FREM2: variants seen among roughly 807,000 people sequenced by gnomAD.
FREM2 encodes the protein FRAS1 related extracellular matrix 2.
FREM2 carries 119 observed loss-of-function variants against 219.9 expected under a neutral mutation model. That is an observed-to-expected ratio of 0.54 (90% CI 0.47 to 0.63). FREM2 has a LOEUF of 0.63. Ranked by LOEUF, FREM2 falls within the 30% of genes least tolerant of loss-of-function variation. FREM2 has a pLI of 0.00. For synonymous variants in FREM2, 1,562 were observed against 1,522.8 expected (o/e 1.03, Z -0.60); for missense variants, 4,030 against 3,993.6 (o/e 1.01, Z -0.25).
chr13:38,837,779 TG>T (rs1202502903), intron 6 of FREM2, among the ~76,000 whole-genome samples: 2,006 of 149,090 alleles, frequency 0.013, 86 homozygotes, highest in African/African-American at 0.046. Context: ...TTTTTTGTTT[TG>T]TTTTGTTTTG....
At chr13:38,739,347 G>T (rs1342566176) in intron 2 of FREM2, among the ~76,000 whole-genome samples, 2 of 152,106 alleles carry the variant, frequency 1.3e-5, no homozygotes, top group African/African-American at 4.8e-5. Context: ...AATGGGACAG[G>T]GAGACCTACT....
chr13:38,725,929 A>T (rs1871501467), intron 2 of FREM2, among the ~76,000 whole-genome samples: 1 of 152,112 alleles, frequency 6.6e-6, no homozygotes, highest in Non-Finnish European at 1.5e-5. Flanking sequence ...TCAGATGGAG[A>T]TGTAGAACTC....
intron 2 of FREM2, among the ~76,000 whole-genome samples, chr13:38,717,273 C>T (rs1456197497): frequency 6.6e-6 from 1 of 152,084 alleles, no homozygotes; most frequent in Admixed American, 6.6e-5. Flanking sequence ...GAAAACAGCT[C>T]TTTCCACATG....
At chr13:38,763,121 A>G (rs1873296137) in intron 2 of FREM2, among the ~76,000 whole-genome samples, 1 of 152,218 alleles carries the variant, frequency 6.6e-6, no homozygotes, top group African/African-American at 2.4e-5. Context: ...ACACATTGGC[A>G]CATAGCTGTC....
intron 14 of FREM2, among the ~76,000 whole-genome samples, chr13:38,859,792 G>A (rs1877697957): frequency 6.6e-6 from 1 of 152,142 alleles, no homozygotes; most frequent in Non-Finnish European, 1.5e-5. Context: ...TCTATTATAT[G>A]CCAGACACAA....
chr13:38,738,235 T>C (rs1872078256), intron 2 of FREM2, among the ~76,000 whole-genome samples: 1 of 152,028 alleles, frequency 6.6e-6, no homozygotes, highest in Non-Finnish European at 1.5e-5. Flanking sequence ...AAATTTCAGG[T>C]GCTGGCGAGA....
In FREM2 at chr13:38,701,988, G is replaced by A. The variant is rs189006301; in HGVS notation, c.5263+4201G>A. On this transcript the variant is annotated intron_variant, in intron 2 of 23. Coordinates refer to ENST00000280481, the MANE Select transcript of FREM2 (RefSeq NM_207361.6). ...TTACCGAACATTAAATAAATGAATG[G>A]ATAAACAGGAGAAAAACAATTGCTC... 1.4e-4 allele frequency among the ~76,000 whole-genome samples: 22 copies of A among 152,098 alleles called. No homozygotes were observed. The East Asian group carries it at 1.7e-3, about 12-fold the overall frequency.
At chr13:38,807,804 T>C (rs1487867189) in intron 6 of FREM2, among the ~76,000 whole-genome samples, 7 of 151,950 alleles carry the variant, frequency 4.6e-5, no homozygotes, top group Admixed American at 3.9e-4. Context: ...TTTAGAATAA[T>C]TCTTAAATTA....
At chr13:38,798,854 T>C (rs1874895217) in intron 6 of FREM2, among the ~76,000 whole-genome samples, 1 of 152,066 alleles carries the variant, frequency 6.6e-6, no homozygotes, top group Non-Finnish European at 1.5e-5. Context: ...ATTTGGGTCT[T>C]CTATCTTTTG....
intron 7 of FREM2, among the ~76,000 whole-genome samples, chr13:38,847,801 G>C (rs547047472): frequency 3.9e-5 from 6 of 152,098 alleles, no homozygotes; most frequent in Admixed American, 6.6e-5. Context: ...TGGATGTAGT[G>C]GCTACAGATT....
intron 10 of FREM2, 147 bp from the exon 11 acceptor site, chr13:38,851,539 C>T (rs539272670): frequency 7.3e-5 from 51 of 693,958 alleles, no homozygotes; most frequent in African/African-American, 5.5e-4. Flanking sequence ...CTTCCACACA[C>T]GTCACTAATT....
intron 4 of FREM2, among the ~76,000 whole-genome samples, chr13:38,782,146 C>G (rs1282820394): frequency 6.6e-6 from 1 of 152,166 alleles, no homozygotes; most frequent in African/African-American, 2.4e-5. Context: ...GCTGTTCCAG[C>G]AGTCTTTTAT....
At chr13:38,733,236 T>C (rs1871840450) in intron 2 of FREM2, among the ~76,000 whole-genome samples, 1 of 151,296 alleles carries the variant, frequency 6.6e-6, no homozygotes, top group African/African-American at 2.4e-5. Context: ...AATAAAGAAA[T>C]AGACAAGCCC....
At chr13:38,763,709 G>A (rs1333929073) in intron 2 of FREM2, among the ~76,000 whole-genome samples, 1 of 152,118 alleles carries the variant, frequency 6.6e-6, no homozygotes, top group African/African-American at 2.4e-5. Context: ...TTGGTGGGAA[G>A]ATGGAAGGGG....
chr13:38,781,544 C>T, intron 4 of FREM2, among the ~76,000 whole-genome samples: 1 of 152,084 alleles, frequency 6.6e-6, no homozygotes, highest in East Asian at 1.9e-4. Context: ...TTTGTTACTT[C>T]TGTATCCCCT....
At chr13:38,814,314 G>C (rs1875670094) in intron 6 of FREM2, among the ~76,000 whole-genome samples, 1 of 152,104 alleles carries the variant, frequency 6.6e-6, no homozygotes, top group Non-Finnish European at 1.5e-5. Context: ...CACAGTCTGG[G>C]CTTATTTGTG....
chr13:38,862,640 G>T (rs1175272015), intron 15 of FREM2, among the ~76,000 whole-genome samples: 1 of 152,164 alleles, frequency 6.6e-6, no homozygotes, highest in Non-Finnish European at 1.5e-5. Flanking sequence ...GAGAGGAAGA[G>T]GTGTGAAAGG....
In FREM2 at chr13:38,877,254, A is replaced by G; in HGVS notation, c.8671+11A>G. The G allele has an allele frequency of 6.2e-7, 1 of 1,613,830 alleles. No individual in the cohort carries two copies. Among genetic ancestry groups the G allele is most frequent in the Non-Finnish European group, 8.5e-7 (1 of 1,179,742 alleles). On this transcript the variant is annotated intron_variant, in intron 21 of 23. Transcript: ENST00000280481. ...TTGCTTTTGCAGAAGGTATCACTTT[A>G]CAAATGAGAGGGATGCTCTGTTTGT... is the stretch of plus-strand genomic sequence containing the variant.
At chr13:38,850,922 C>T in intron 9 of FREM2, 22 bp from the exon 10 acceptor site, 1 of 1,608,746 alleles carries the variant, frequency 6.2e-7, no homozygotes, top group Non-Finnish European at 8.5e-7. Context: ...ATGTGATTGA[C>T]CTGCTGACAT....
Sources: gnomAD v4.1 joint callset for allele counts (sites outside exome capture counted in the v4.1 genomes callset) on GRCh38, gnomAD v4.1.1 for gene constraint, MANE v1.5 for transcripts, NCBI Gene and HGNC (gene_info 2026-07-23, HGNC 2026-07-21) for gene names.